The following LOC400499 variants were observed in gnomAD, a reference collection of about 807,000 sequenced individuals.
the LOC400499 span, chr16:11,516,008 T>C: frequency 8.0e-5 from 32 of 399,638 alleles, no homozygotes; most frequent in East Asian, 9.6e-4. Flanking sequence ...CTTTGTCTTG[T>C]GTAGCCAGTC....
the LOC400499 span, among the ~76,000 whole-genome samples, chr16:11,380,333 T>C: frequency 6.6e-6 from 1 of 152,126 alleles, no homozygotes; most frequent in African/African-American, 2.4e-5. Context: ...TGTCTTAATT[T>C]CTCTGGCCGG....
At chr16:11,424,359 C>CAGCGGGCAGG in the LOC400499 span, 3 of 399,586 alleles carry the variant, frequency 7.5e-6, no homozygotes, top group African/African-American at 2.1e-5. Context: ...GGGAAGAGGC[C>CAGCGGGCAGG]AGCGGGCAGG....
chr16:11,443,753 C>T, the LOC400499 span, among the ~76,000 whole-genome samples: 1 of 152,070 alleles, frequency 6.6e-6, no homozygotes, highest in Non-Finnish European at 1.5e-5. Flanking sequence ...GCCAAGGACA[C>T]ACAGGCAAAA....
At chr16:11,440,998 T>C in the LOC400499 span, 2 of 399,088 alleles carry the variant, frequency 5.0e-6, no homozygotes, top group Admixed American at 4.4e-5. Flanking sequence ...TGCTGAGATC[T>C]GTCATGATGC....
chr16:11,433,784 C>G, the LOC400499 span, among the ~76,000 whole-genome samples: 23,227 of 152,228 alleles, frequency 0.15, 3,562 homozygotes, highest in African/African-American at 0.38. Context: ...TCACAGAGAG[C>G]TTCTGGGCTG....
the LOC400499 span, among the ~76,000 whole-genome samples, chr16:11,486,051 GATGGATGGATGT>G: frequency 1.4e-4 from 21 of 151,876 alleles, no homozygotes; most frequent in East Asian, 3.1e-3. Context: ...TGAGTGAATA[GATGGATGGATGT>G]ATGGATGGAT....
chr16:11,441,311 A>T, the LOC400499 span, among the ~76,000 whole-genome samples: 3 of 152,172 alleles, frequency 2.0e-5, no homozygotes, highest in South Asian at 4.1e-4. Context: ...AACAAATGTG[A>T]ATGTGTCTTG....
At chr16:11,460,343 C>T in the LOC400499 span, 1 of 1,155,336 alleles carries the variant, frequency 8.7e-7, no homozygotes, top group Non-Finnish European at 1.2e-6. Context: ...AAGTTCCAGC[C>T]CCGGATCCAT....
chr16:11,492,760 G>A, the LOC400499 span, among the ~76,000 whole-genome samples: 1 of 150,492 alleles, frequency 6.6e-6, no homozygotes, highest in Admixed American at 6.6e-5. Context: ...ACTCCAGCCT[G>A]GGTGACAGAG....
At chr16:11,417,868 C>T in the LOC400499 span, 5 of 398,486 alleles carry the variant, frequency 1.3e-5, no homozygotes, top group African/African-American at 2.1e-5. Context: ...GACGCTGGAC[C>T]ACCCTGTGCA....
the LOC400499 span, among the ~76,000 whole-genome samples, chr16:11,502,655 C>G: frequency 6.7e-6 from 1 of 149,716 alleles, no homozygotes; most frequent in South Asian, 2.1e-4. Context: ...CACTCTGTTG[C>G]CCAGGCTACA....
chr16:11,515,306 T>C, the LOC400499 span, among the ~76,000 whole-genome samples: 2 of 151,802 alleles, frequency 1.3e-5, no homozygotes, highest in Non-Finnish European at 2.9e-5. Context: ...AAAAAAAATT[T>C]AACCAGGAAT....
the LOC400499 span, among the ~76,000 whole-genome samples, chr16:11,424,666 A>T: frequency 3.3e-5 from 5 of 152,160 alleles, no homozygotes; most frequent in African/African-American, 1.2e-4. Flanking sequence ...TCTCAGAGGG[A>T]AACAGGGGTC....
the LOC400499 span, among the ~76,000 whole-genome samples, chr16:11,509,739 A>G: frequency 2.0e-5 from 3 of 152,106 alleles, no homozygotes; most frequent in Admixed American, 1.3e-4. Flanking sequence ...GCTGAGGCAG[A>G]AGAATTGCTT....
the LOC400499 span, chr16:11,522,240 A>G: frequency 2.5e-6 from 1 of 397,704 alleles, no homozygotes. Flanking sequence ...GCCTGTCCCC[A>G]GCTTGGGGAA....
the LOC400499 span, among the ~76,000 whole-genome samples, chr16:11,492,134 G>A: frequency 6.6e-6 from 1 of 152,140 alleles, no homozygotes; most frequent in Non-Finnish European, 1.5e-5. Flanking sequence ...TACGAAAACA[G>A]CATAGTGTCT....
At chr16:11,438,502 G>T in the LOC400499 span, among the ~76,000 whole-genome samples, 1 of 151,484 alleles carries the variant, frequency 6.6e-6, no homozygotes, top group African/African-American at 2.4e-5. Context: ...TGGGCGCATT[G>T]GCTCATGCCT....
the LOC400499 span, chr16:11,391,730 C>G: frequency 8.1e-7 from 1 of 1,232,262 alleles, no homozygotes; most frequent in Non-Finnish European, 1.0e-6. Flanking sequence ...GAGGCAGGTG[C>G]TGGGTCAGTG....
chr16:11,441,673 A>G, the LOC400499 span, among the ~76,000 whole-genome samples: 1 of 152,194 alleles, frequency 6.6e-6, no homozygotes, highest in Non-Finnish European at 1.5e-5. Flanking sequence ...GGGTCCTATG[A>G]GACGGAGGCA....
Sources: allele counts gnomAD v4.1 joint callset (sites outside exome capture counted in the v4.1 genomes callset), GRCh38; gene constraint gnomAD v4.1.1; transcripts MANE v1.5.